ARHGEF12: variants seen among roughly 807,000 people sequenced by gnomAD.
ARHGEF12 encodes the protein Rho guanine nucleotide exchange factor 12, also known as KMT2A/ARHGEF12 fusion protein.
ARHGEF12 carries 66 observed loss-of-function variants against 211.2 expected under a neutral mutation model. The ratio of observed to expected loss-of-function variants is 0.31; its 90% CI spans 0.26 to 0.38. ARHGEF12 has a LOEUF of 0.38. ARHGEF12 is among the 10% of genes least tolerant of loss of function. The probability of loss-of-function intolerance (pLI) is 1.00; values close to 1 mark genes in which losing one functional copy is unlikely to be tolerated. For missense variants in ARHGEF12, 1,429 were observed against 1,869.5 expected (o/e 0.76, Z 4.34); for synonymous variants, 592 against 638.4 (o/e 0.93, Z 1.09).
intron 1 of ARHGEF12, among the ~76,000 whole-genome samples, chr11:120,344,312 C>G (rs907888913): frequency 2.0e-5 from 3 of 149,932 alleles, no homozygotes; most frequent in African/African-American, 7.4e-5. Context: ...CTTCATCAGC[C>G]TCTGAAGGAA....
intron 10 of ARHGEF12, 124 bp from the exon 11 acceptor site, chr11:120,431,647 T>C (rs1453611741): frequency 3.0e-5 from 31 of 1,041,538 alleles, no homozygotes; most frequent in Non-Finnish European, 3.7e-5. Flanking sequence ...CTTGAGCATA[T>C]CAGAATGTCC....
intron 22 of ARHGEF12, 161 bp from the exon 23 acceptor site, chr11:120,456,957 A>C: frequency 1.7e-6 from 1 of 596,524 alleles, no homozygotes; most frequent in Non-Finnish European, 2.8e-6. Flanking sequence ...GAGATGCCAT[A>C]ATTTTGTATA....
rs1161788421 is a variant in ARHGEF12 at position 120,486,456 on chromosome 11, A to G, written c.*1379A>G. ...TTGGTAACTGCCTGCTCTAGGATGAATAGTAGCGTTAGCAGCACCCTACAG... is the reference window on the plus strand; with the variant it reads ...TTGGTAACTGCCTGCTCTAGGATGAGTAGTAGCGTTAGCAGCACCCTACAG... On this transcript the variant is annotated 3_prime_UTR_variant, in exon 41 of 41. Transcript: ENST00000397843. The G allele has an allele frequency of 8.6e-6, 2 of 231,222 alleles. No homozygotes were observed. Among genetic ancestry groups the G allele is most frequent in the Admixed American group, 1.1e-4 (2 of 17,710 alleles). 14.3% of individuals were successfully genotyped at this position (231,222 alleles called of 1,614,324 possible).
rs1025919456 is a variant in ARHGEF12 at position 120,367,353 on chromosome 11, C to CTTTT, written c.32+30105_32+30108dup. 3.0e-3 allele frequency among the ~76,000 whole-genome samples: 177 copies of CTTTT among 59,360 alleles called. 22 individuals carry two copies. The highest frequency in any genetic ancestry group is 6.2e-3 in the African/African-American group (80 of 12,948). The allele number at this position is 59,360 out of a possible 152,430, so 38.9% of individuals were successfully genotyped here. A position where few individuals can be genotyped will look rare whatever the true frequency, so the allele number is the denominator to read the frequency against. On this transcript the variant is annotated intron_variant, in intron 1 of 40. Coordinates refer to ENST00000397843, the MANE Select transcript of ARHGEF12 (RefSeq NM_015313.3). ...AAAAAATCTGTTAGGATACTTTTTCCTTTTTTTTTTTTTTTTTTTTTTTTT... is the reference window on the plus strand; with the variant it reads ...AAAAAATCTGTTAGGATACTTTTTCCTTTTTTTTTTTTTTTTTTTTTTTTTTTTT...
At chr11:120,348,181 GT>G (rs1942825878) in intron 1 of ARHGEF12, among the ~76,000 whole-genome samples, 2 of 152,260 alleles carry the variant, frequency 1.3e-5, no homozygotes, top group South Asian at 4.1e-4. Flanking sequence ...TTAATTTTGA[GT>G]TTTTCTTGGG....
At chr11:120,428,028 AT>A in intron 7 of ARHGEF12, 40 bp from the exon 8 acceptor site, 1 of 1,481,694 alleles carries the variant, frequency 6.7e-7, no homozygotes, top group South Asian at 1.5e-5. Flanking sequence ...TGACAATGTT[AT>A]TTTCCCTTCC....
intron 29 of ARHGEF12, among the ~76,000 whole-genome samples, chr11:120,468,149 G>C (rs1415161110): frequency 6.6e-6 from 1 of 152,184 alleles, no homozygotes. Context: ...AACATGAAAT[G>C]AATCTGTTTC....
chr11:120,434,562 G>A (rs186441219), intron 11 of ARHGEF12, among the ~76,000 whole-genome samples: 1 of 152,250 alleles, frequency 6.6e-6, no homozygotes, highest in East Asian at 1.9e-4. Context: ...AGTACTTTGA[G>A]TCGCGGTTTT....
chr11:120,475,356 G>T lies in ARHGEF12; in HGVS notation c.3126G>T (p.Leu1042=), dbSNP rs1043431725. The part of the protein sequence containing the change: ...RDKTIDLYTL[L]LEDILVLLQK... Reference sequence around the variant, plus strand: ...TATTTCTAGATTTATACACGTTGCTGCTGGAAGACATTCTTGTATTGTTAC... The same window carrying T: ...TATTTCTAGATTTATACACGTTGCTTCTGGAAGACATTCTTGTATTGTTAC... The change falls in exon 33 of 41, where the codon CTG becomes CTT. Residue 1042 remains leucine (L), a synonymous_variant. Coordinates refer to ENST00000397843, the MANE Select transcript of ARHGEF12 (RefSeq NM_015313.3). 1.9e-6 allele frequency: 3 copies of T among 1,613,724 alleles called. No homozygotes were observed. Among genetic ancestry groups the T allele is most frequent in the African/African-American group, 1.3e-5 (1 of 74,880 alleles).
chr11:120,472,949 C>T (rs1022686670), intron 30 of ARHGEF12, 101 bp from the exon 31 acceptor site: 1 of 1,136,496 alleles, frequency 8.8e-7, no homozygotes. Flanking sequence ...GCCACCACGC[C>T]TGGCCAAAAT....
intron 1 of ARHGEF12, among the ~76,000 whole-genome samples, chr11:120,373,357 T>C (rs892204836): frequency 6.6e-6 from 1 of 152,210 alleles, no homozygotes; most frequent in African/African-American, 2.4e-5. Flanking sequence ...TTTATTTCCA[T>C]GTGAGTACCT....
chr11:120,338,431 C>T (rs970418527), intron 1 of ARHGEF12, among the ~76,000 whole-genome samples: 4 of 152,224 alleles, frequency 2.6e-5, no homozygotes, highest in African/African-American at 9.6e-5. Flanking sequence ...ACTTCCTCTT[C>T]CTGTTGATGC....
At chr11:120,465,531 A>G (rs920459569) in intron 28 of ARHGEF12, among the ~76,000 whole-genome samples, 169 bp downstream of exon 28, 1 of 152,156 alleles carries the variant, frequency 6.6e-6, no homozygotes, top group Non-Finnish European at 1.5e-5. Context: ...CAATGGCACA[A>G]TCTCAGCTCA....
chr11:120,396,507 G>T (rs1944392168), intron 1 of ARHGEF12, among the ~76,000 whole-genome samples: 1 of 152,128 alleles, frequency 6.6e-6, no homozygotes, highest in Non-Finnish European at 1.5e-5. Context: ...TCCTCTGATG[G>T]GTGATGAAAA....
intron 1 of ARHGEF12, among the ~76,000 whole-genome samples, chr11:120,347,011 T>C (rs1358959635): frequency 6.6e-6 from 1 of 152,186 alleles, no homozygotes; most frequent in Admixed American, 6.5e-5. Context: ...GCAGAGCACG[T>C]TCATAGAGCG....
At chr11:120,381,465 G>T (rs1456943692) in intron 1 of ARHGEF12, among the ~76,000 whole-genome samples, 2 of 152,158 alleles carry the variant, frequency 1.3e-5, no homozygotes, top group South Asian at 2.1e-4. Flanking sequence ...CAGTATTTAT[G>T]TACAGTTTCT....
At chr11:120,466,128 G>GT (rs1318659655) in intron 28 of ARHGEF12, among the ~76,000 whole-genome samples, 1 of 152,250 alleles carries the variant, frequency 6.6e-6, no homozygotes. Flanking sequence ...TTGTTGTGGT[G>GT]TGTGGGTATG....
chr11:120,374,716 GA>G (rs552549154), intron 1 of ARHGEF12, among the ~76,000 whole-genome samples: 1 of 151,724 alleles, frequency 6.6e-6, no homozygotes, highest in South Asian at 2.1e-4. Context: ...TGCAAACATA[GA>G]AAAAAAATAA....
intron 1 of ARHGEF12, among the ~76,000 whole-genome samples, chr11:120,390,349 G>C (rs1007715965): frequency 6.6e-6 from 1 of 152,126 alleles, no homozygotes; most frequent in African/African-American, 2.4e-5. Context: ...TAATATTGAG[G>C]AATGCTAATG....
Sources: allele counts gnomAD v4.1 joint callset (sites outside exome capture counted in the v4.1 genomes callset), GRCh38; gene constraint gnomAD v4.1.1; transcripts MANE v1.5; gene names NCBI Gene and HGNC (gene_info 2026-07-23, HGNC 2026-07-21).